Variants in UBE2D3 observed in about 807,000 individuals in gnomAD.
The protein encoded by UBE2D3 is ubiquitin-conjugating enzyme E2 D3.
In UBE2D3, 2 loss-of-function variants were observed where a neutral mutation model predicts 22.8. The ratio of observed to expected loss-of-function variants is 0.09; its 90% CI spans 0.04 to 0.28. The LOEUF (loss-of-function observed/expected upper bound fraction) is 0.28. Among genes scored for constraint, UBE2D3 ranks in the 10% least tolerant of loss-of-function variants. The probability of loss-of-function intolerance (pLI) is 1.00; values close to 1 mark genes in which losing one functional copy is unlikely to be tolerated. For missense variants in UBE2D3, 27 were observed against 182.5 expected (o/e 0.15, Z 4.91); for synonymous variants, 56 against 60.4 (o/e 0.93, Z 0.34).
chr4:102,827,592 C>T (rs886246193), upstream of UBE2D3: 28 of 987,112 alleles, frequency 2.8e-5, no homozygotes, highest in Non-Finnish European at 3.4e-5. Flanking sequence ...CTCCTCCTGC[C>T]TCTTCACCGC....
intron 1 of UBE2D3, among the ~76,000 whole-genome samples, chr4:102,840,932 G>T (rs1224462345): frequency 6.6e-6 from 1 of 151,880 alleles, no homozygotes; most frequent in Admixed American, 6.6e-5. Flanking sequence ...CAGGAGAATC[G>T]CTTGAACCCA....
intron 1 of UBE2D3, among the ~76,000 whole-genome samples, chr4:102,865,479 C>T (rs1161296588): frequency 1.4e-5 from 2 of 143,096 alleles, no homozygotes; most frequent in Non-Finnish European, 3.0e-5. Context: ...GCAACAGAGA[C>T]TCTGTCTCAA....
At chr4:102,827,311 A>C in intron 1 of UBE2D3, 116 bp downstream of exon 1, 1 of 952,768 alleles carries the variant, frequency 1.0e-6, no homozygotes, top group Non-Finnish European at 1.2e-6. Flanking sequence ...ACCCTAACCC[A>C]CCGCACCCAA....
Position 102,857,347 on chromosome 4 carries a change from A to G in UBE2D3, c.-129+11368T>C, listed in dbSNP as rs182476162. 2.5e-3 allele frequency among the ~76,000 whole-genome samples: 381 copies of G among 152,364 alleles called. 2 individuals are homozygous for G. The highest frequency in any genetic ancestry group is 4.4e-3 in the Non-Finnish European group (302 of 68,020). On this transcript the variant is annotated intron_variant, in intron 1 of 7. Transcript: ENST00000338145. ...CAAACATAAAATAATAAAGGACTATACTATGGTAGCAAATAAAATTACTTT... is the reference window on the plus strand; with the variant it reads ...CAAACATAAAATAATAAAGGACTATGCTATGGTAGCAAATAAAATTACTTT...
At chr4:102,833,142 A>G (rs560320288) in intron 1 of UBE2D3, among the ~76,000 whole-genome samples, 10 of 132,232 alleles carry the variant, frequency 7.6e-5, no homozygotes, top group African/African-American at 2.6e-4. Flanking sequence ...CATGTGCTAC[A>G]TGTTTTTTTT....
rs138963101 is a variant in UBE2D3, at chr4:102,809,594, C to T, written c.120+78G>A. The T allele has an allele frequency of 9.6e-5, 134 of 1,393,852 alleles. 1 individual carries two copies. The African/African-American group carries it at 1.8e-3, about 19-fold the overall frequency. 86.3% of individuals were successfully genotyped at this position (1,393,852 alleles called of 1,614,324 possible). On this transcript the variant is annotated intron_variant, in intron 4 of 7. Transcript: ENST00000453744. ...TTAACTATATGATAAAATAAACCTA[C>T]AGACCAAGTTAAAAATTACAACCAA...
intron 2 of UBE2D3, among the ~76,000 whole-genome samples, chr4:102,816,180 T>C (rs1728756916): frequency 6.6e-6 from 1 of 152,230 alleles, no homozygotes; most frequent in Non-Finnish European, 1.5e-5. Context: ...ACTGTAGTCC[T>C]GGGTCAGCCA....
chr4:102,834,876 T>C (rs1213213844), intron 1 of UBE2D3, among the ~76,000 whole-genome samples: 1 of 151,388 alleles, frequency 6.6e-6, no homozygotes, highest in Non-Finnish European at 1.5e-5. Flanking sequence ...CCTCCAGGGC[T>C]CAAGGAGTCC....
At chr4:102,824,489 A>G (rs1285167136) in intron 2 of UBE2D3, among the ~76,000 whole-genome samples, 1 of 152,240 alleles carries the variant, frequency 6.6e-6, no homozygotes. Flanking sequence ...TTAGGCACAC[A>G]GTCATTTATT....
Position 102,802,645 on chromosome 4 carries a change from A to G in UBE2D3, c.121-7T>C, listed in dbSNP as rs746365574. The G allele has an allele frequency of 3.0e-5, 48 of 1,584,906 alleles. No homozygotes were observed. The highest frequency in any genetic ancestry group is 3.7e-5 in the Non-Finnish European group (43 of 1,165,972). On this transcript the variant is annotated splice_polypyrimidine_tract_variant and splice_region_variant and intron_variant, in intron 4 of 7. Transcript: ENST00000453744. Reference sequence around the variant, plus strand: ...CTTGATATGGGCTGTCATTCTGTAAAAAGAAAAGTATGCTTAACTCAAATT... The same window carrying G: ...CTTGATATGGGCTGTCATTCTGTAAGAAGAAAAGTATGCTTAACTCAAATT...
intron 1 of UBE2D3, among the ~76,000 whole-genome samples, chr4:102,856,648 A>G (rs907471791): frequency 6.6e-6 from 1 of 152,190 alleles, no homozygotes; most frequent in Non-Finnish European, 1.5e-5. Context: ...GGCCTCATCT[A>G]CTGTCTCTCC....
chr4:102,840,103 G>T (rs368622472), intron 1 of UBE2D3, among the ~76,000 whole-genome samples: 1 of 152,172 alleles, frequency 6.6e-6, no homozygotes, highest in Admixed American at 6.5e-5. Flanking sequence ...TGGTTATTAC[G>T]AAAATAACAG....
At chr4:102,809,552 G>C (rs902382301) in intron 4 of UBE2D3, 120 bp downstream of exon 4, 7 of 1,061,972 alleles carry the variant, frequency 6.6e-6, no homozygotes, top group Admixed American at 2.8e-5. Flanking sequence ...TACAACTATG[G>C]AATATCCAAA....
At position 102,861,125 on chromosome 4, in the gene UBE2D3, A is replaced by G. The variant is rs139341636; in HGVS notation, c.-129+7590T>C. On this transcript the variant is annotated intron_variant, in intron 1 of 7. Transcript: ENST00000338145. ...GCTAGGGAAGCTGGGCACTCACTTG[A>G]CTCTTACTTTCCTTCCTGGGAGAAC... 9.1e-3 allele frequency among the ~76,000 whole-genome samples: 1,377 copies of G among 151,828 alleles called. 43 individuals are homozygous for G. Among genetic ancestry groups the G allele is most frequent in the Admixed American group, 0.019 (293 of 15,236 alleles).
rs796192957 is a variant in UBE2D3 at position 102,825,423 on chromosome 4, G to C, written c.24+1062C>G. 2.7e-6 allele frequency: 3 copies of C among 1,098,434 alleles called. No individual in the cohort carries two copies. In the African/African-American group the frequency reaches 5.0e-5, roughly 18 times the overall value. The allele number at this position is 1,098,434 out of a possible 1,614,324, so 68.0% of individuals were successfully genotyped here. On this transcript the variant is annotated intron_variant, in intron 2 of 7. Coordinates refer to ENST00000453744, the MANE Select transcript of UBE2D3 (RefSeq NM_181891.3). The stretch of plus-strand genomic sequence containing the variant: ...GGTAAGTTTTGAGCAGAGGATCTTA[G>C]AGCAGTGCACAACGCGATATAAAAG...
chr4:102,864,078 T>C (rs934676589), intron 1 of UBE2D3, among the ~76,000 whole-genome samples: 2 of 152,208 alleles, frequency 1.3e-5, no homozygotes, highest in African/African-American at 4.8e-5. Context: ...TATGCATGTA[T>C]ATGTGCCAGG....
intron 1 of UBE2D3, 64 bp downstream of exon 1, chr4:102,827,363 C>CT: frequency 1.8e-5 from 18 of 985,570 alleles, no homozygotes; most frequent in Non-Finnish European, 2.0e-5. Flanking sequence ...CACTGCCCCT[C>CT]TTACCCGGCC....
rs781436397 is a variant in UBE2D3, at chr4:102,868,675, G to A, written c.-129+40C>T. 23 of 1,613,600 alleles carry A rather than the reference G, an allele frequency of 1.4e-5. No individual in the cohort carries two copies. The South Asian group carries it at 2.5e-4, about 18-fold the overall frequency. On this transcript the variant is annotated intron_variant, in intron 1 of 7. Transcript: ENST00000338145. ...GCACCCAAACTGTAGGGGAAGAGGC[G>A]GGGCGAGAGGGGACGAAGTAGAGAC...
At chr4:102,839,585 A>T (rs530092910) in intron 1 of UBE2D3, among the ~76,000 whole-genome samples, 3 of 152,298 alleles carry the variant, frequency 2.0e-5, no homozygotes, top group Admixed American at 6.5e-5. Context: ...TATGATTTTG[A>T]ATAAGGCATT....
Sources: gnomAD v4.1 joint callset for allele counts (sites outside exome capture counted in the v4.1 genomes callset) on GRCh38, gnomAD v4.1.1 for gene constraint, MANE v1.5 for transcripts, NCBI Gene and HGNC (gene_info 2026-07-23, HGNC 2026-07-21) for gene names.